The following WWOX variants were observed in gnomAD, a reference collection of about 807,000 sequenced individuals.
WWOX encodes WW domain-containing oxidoreductase.
In WWOX, 69 loss-of-function variants were observed where a neutral mutation model predicts 46.2. That is an observed-to-expected ratio of 1.49 (90% CI 1.23 to 1.82). The LOEUF is 1.82. Ranked by LOEUF, WWOX falls within the 40% of genes most tolerant of loss-of-function variation. The pLI is 0.00. For synonymous variants in WWOX, 359 were observed against 202.6 expected (o/e 1.77, Z -6.56); for missense variants, 919 against 542.6 (o/e 1.69, Z -6.89).
intron 8 of WWOX, among the ~76,000 whole-genome samples, chr16:78,514,135 G>C (rs559902377): frequency 4.9e-4 from 75 of 152,316 alleles, no homozygotes; most frequent in Middle Eastern, 3.4e-3. Flanking sequence ...TTTCTCTATA[G>C]AGGCTTCAGA....
At chr16:78,700,713 C>T (rs141392572) in intron 8 of WWOX, among the ~76,000 whole-genome samples, 1 of 152,292 alleles carries the variant, frequency 6.6e-6, no homozygotes, top group Admixed American at 6.5e-5. Context: ...GTGGCCACCT[C>T]ATAGTCTTGT....
At chr16:78,739,557 A>T (rs755647956) in intron 8 of WWOX, among the ~76,000 whole-genome samples, 5 of 152,188 alleles carry the variant, frequency 3.3e-5, no homozygotes, top group Non-Finnish European at 7.4e-5. Flanking sequence ...CACGCCTGTA[A>T]TCCAGCACTT....
intron 8 of WWOX, among the ~76,000 whole-genome samples, chr16:78,952,459 T>G (rs1474633528): frequency 6.6e-6 from 1 of 151,318 alleles, no homozygotes; most frequent in Non-Finnish European, 1.5e-5. Flanking sequence ...CTTAGCTCAC[T>G]GCAACCTCCA....
intron 8 of WWOX, among the ~76,000 whole-genome samples, chr16:78,686,480 C>G (rs950269457): frequency 6.7e-6 from 1 of 150,328 alleles, no homozygotes; most frequent in South Asian, 2.1e-4. Flanking sequence ...CACTGTACTC[C>G]AGCCTGGGGG....
intron 8 of WWOX, among the ~76,000 whole-genome samples, chr16:78,695,481 G>A (rs542696257): frequency 2.0e-5 from 3 of 152,134 alleles, no homozygotes; most frequent in Non-Finnish European, 4.4e-5. Context: ...TTTCATGATA[G>A]AAGTAGGTCA....
At chr16:79,190,664 A>G (rs1286600586) in intron 8 of WWOX, among the ~76,000 whole-genome samples, 1 of 152,238 alleles carries the variant, frequency 6.6e-6, no homozygotes, top group Non-Finnish European at 1.5e-5. Flanking sequence ...ACTACTTGGC[A>G]TTAGGTAGAA....
chr16:78,652,646 C>T (rs2046992890), intron 8 of WWOX, among the ~76,000 whole-genome samples: 3 of 152,094 alleles, frequency 2.0e-5, no homozygotes, highest in Admixed American at 6.5e-5. Context: ...CAAGATTCCT[C>T]GACCACCCAT....
intron 8 of WWOX, among the ~76,000 whole-genome samples, chr16:78,592,448 A>T (rs10163424): frequency 0.064 from 9,706 of 152,278 alleles, 452 homozygotes; most frequent in East Asian, 0.21. Context: ...TGTAAGTGTG[A>T]TGAGAATGGA....
intron 1 of WWOX, among the ~76,000 whole-genome samples, chr16:78,102,157 C>G (rs1174618524): frequency 1.3e-5 from 2 of 152,134 alleles, no homozygotes; most frequent in East Asian, 1.9e-4. Flanking sequence ...TGAACTCAAG[C>G]CAGCCTCCCT....
At chr16:78,240,195 C>A (rs1460836944) in intron 5 of WWOX, among the ~76,000 whole-genome samples, 1 of 151,980 alleles carries the variant, frequency 6.6e-6, no homozygotes, top group Admixed American at 6.6e-5. Context: ...AAGAGGAAAG[C>A]AGGGGGCACA....
intron 8 of WWOX, among the ~76,000 whole-genome samples, chr16:78,644,229 A>G (rs1341841563): frequency 6.6e-6 from 1 of 152,026 alleles, no homozygotes; most frequent in African/African-American, 2.4e-5. Context: ...TCAAAAATGA[A>G]TGAATGAATG....
intron 8 of WWOX, among the ~76,000 whole-genome samples, chr16:78,863,857 A>G (rs968584361): frequency 2.0e-5 from 3 of 152,154 alleles, no homozygotes; most frequent in Middle Eastern, 3.2e-3. Context: ...TGTACAATAT[A>G]TGGTCTTTTG....
chr16:78,466,253 G>A (rs980285718), intron 8 of WWOX, among the ~76,000 whole-genome samples: 9 of 151,942 alleles, frequency 5.9e-5, no homozygotes, highest in East Asian at 1.9e-4. Flanking sequence ...GGATGGTCTC[G>A]ATCTCCTGAC....
intron 5 of WWOX, chr16:78,179,833 G>A (rs79615837): frequency 0.026 from 3,961 of 152,294 alleles, 182 homozygotes; most frequent in African/African-American, 0.091. Flanking sequence ...TGTTCCTCTT[G>A]GTATAACCCC....
At chr16:78,839,002 C>T (rs1381514471) in intron 8 of WWOX, among the ~76,000 whole-genome samples, 1 of 152,118 alleles carries the variant, frequency 6.6e-6, no homozygotes, top group East Asian at 1.9e-4. Context: ...GTCTCAATGT[C>T]AATTTCCTGG....
At chr16:78,335,868 G>T (rs1280099669) in intron 5 of WWOX, among the ~76,000 whole-genome samples, 1 of 152,162 alleles carries the variant, frequency 6.6e-6, no homozygotes, top group Non-Finnish European at 1.5e-5. Context: ...GAGGCGGGTG[G>T]ATCGCTTGAG....
intron 8 of WWOX, among the ~76,000 whole-genome samples, chr16:78,594,733 A>G (rs887499294): frequency 4.0e-5 from 6 of 151,758 alleles, no homozygotes; most frequent in Non-Finnish European, 8.8e-5. Flanking sequence ...CTCATAGGCT[A>G]CCTCCAACTT....
chr16:78,204,159 T>C (rs764516464), intron 5 of WWOX, among the ~76,000 whole-genome samples: 20 of 152,368 alleles, frequency 1.3e-4, no homozygotes, highest in Admixed American at 9.8e-4. Context: ...GCTGGCTTCC[T>C]ATTTGGAGAG....
At chr16:78,439,009 T>G (rs753370212) in intron 8 of WWOX, among the ~76,000 whole-genome samples, 2 of 152,176 alleles carry the variant, frequency 1.3e-5, no homozygotes, top group Admixed American at 6.5e-5. Context: ...GATTTGTTCC[T>G]GAAATTAGTA....
Sources: allele counts gnomAD v4.1 joint callset (sites outside exome capture counted in the v4.1 genomes callset), GRCh38; gene constraint gnomAD v4.1.1; transcripts MANE v1.5; gene names NCBI Gene and HGNC (gene_info 2026-07-23, HGNC 2026-07-21).